SGCZ: variants seen among roughly 807,000 people sequenced by gnomAD.
The protein encoded by SGCZ is zeta-sarcoglycan.
In SGCZ, 40 loss-of-function variants were observed where a neutral mutation model predicts 41.3. The ratio of observed to expected loss-of-function variants is 0.97; its 90% CI spans 0.75 to 1.26. The LOEUF is 1.26. Among genes scored for constraint, SGCZ ranks in the 50% most tolerant of loss-of-function variants. SGCZ has a pLI of 0.00. For synonymous variants in SGCZ, 206 were observed against 137.5 expected (o/e 1.50, Z -3.49); for missense variants, 552 against 369.8 (o/e 1.49, Z -4.04).
chr8:15,057,057 G>C (rs1804734743), intron 1 of SGCZ, among the ~76,000 whole-genome samples: 1 of 152,150 alleles, frequency 6.6e-6, no homozygotes, highest in Admixed American at 6.5e-5. Flanking sequence ...GTGGGCCGCA[G>C]TGCCCTTAAT....
intron 2 of SGCZ, among the ~76,000 whole-genome samples, chr8:14,353,227 G>A (rs995331724): frequency 2.0e-5 from 3 of 152,074 alleles, no homozygotes; most frequent in Non-Finnish European, 2.9e-5. Context: ...TATGAGCAAA[G>A]CACTTGAGAC....
At chr8:14,870,231 A>G (rs368201755) in intron 1 of SGCZ, among the ~76,000 whole-genome samples, 1 of 152,122 alleles carries the variant, frequency 6.6e-6, no homozygotes, top group Non-Finnish European at 1.5e-5. Flanking sequence ...AGATAGATAG[A>G]CCAATGGAAC....
chr8:14,926,404 C>A (rs978917472), intron 1 of SGCZ, among the ~76,000 whole-genome samples: 4 of 152,008 alleles, frequency 2.6e-5, no homozygotes, highest in Admixed American at 1.3e-4. Context: ...AATTCATATT[C>A]TTTGATTTTG....
intron 1 of SGCZ, among the ~76,000 whole-genome samples, chr8:14,893,466 A>G (rs1162487707): frequency 6.6e-6 from 1 of 152,204 alleles, no homozygotes. Context: ...TACAACAGTA[A>G]TGGGAATTAA....
At chr8:14,857,852 C>A (rs1254025226) in intron 1 of SGCZ, among the ~76,000 whole-genome samples, 2 of 151,948 alleles carry the variant, frequency 1.3e-5, no homozygotes, top group African/African-American at 4.8e-5. Flanking sequence ...GGTGACAGAG[C>A]AAGACTCTGT....
At chr8:14,540,287 T>C (rs948461795) in intron 2 of SGCZ, among the ~76,000 whole-genome samples, 1 of 146,280 alleles carries the variant, frequency 6.8e-6, no homozygotes. Flanking sequence ...TAAATTATTA[T>C]CAATCTCTGT....
chr8:14,276,192 G>T (rs7832483), intron 3 of SGCZ, among the ~76,000 whole-genome samples: 1 of 151,962 alleles, frequency 6.6e-6, no homozygotes, highest in Non-Finnish European at 1.5e-5. Flanking sequence ...AAATTATTTT[G>T]TCATGCTTCT....
At chr8:14,701,534 T>A (rs1428287593) in intron 1 of SGCZ, among the ~76,000 whole-genome samples, 1 of 151,986 alleles carries the variant, frequency 6.6e-6, no homozygotes, top group African/African-American at 2.4e-5. Context: ...TCACTTTAAA[T>A]TTAATAACAT....
chr8:15,235,568 G>A (rs1018066700), intron 1 of SGCZ, among the ~76,000 whole-genome samples: 4 of 152,106 alleles, frequency 2.6e-5, no homozygotes, highest in Non-Finnish European at 5.9e-5. Context: ...TGGCTATGAG[G>A]ATCTCTGGAT....
At chr8:14,426,834 A>G (rs1799795951) in intron 2 of SGCZ, among the ~76,000 whole-genome samples, 3 of 152,196 alleles carry the variant, frequency 2.0e-5, no homozygotes, top group South Asian at 4.1e-4. Context: ...ATATATCATG[A>G]AGGGATTGAA....
chr8:14,563,103 A>T (rs1804256413), intron 1 of SGCZ, among the ~76,000 whole-genome samples: 1 of 152,224 alleles, frequency 6.6e-6, no homozygotes, highest in African/African-American at 2.4e-5. Context: ...AGTTTGCAGG[A>T]GTCTGGCTCC....
At chr8:14,720,092 C>A (rs1453003089) in intron 1 of SGCZ, among the ~76,000 whole-genome samples, 1 of 152,004 alleles carries the variant, frequency 6.6e-6, no homozygotes, top group African/African-American at 2.4e-5. Flanking sequence ...GTTTTCCCAG[C>A]AAGTTCTTTG....
chr8:15,231,538 C>T (rs1363237408), intron 1 of SGCZ, among the ~76,000 whole-genome samples: 1 of 150,632 alleles, frequency 6.6e-6, no homozygotes. Flanking sequence ...TAGATAAACC[C>T]ATGTTTCTAG....
chr8:14,777,913 A>G (rs914161160), intron 1 of SGCZ, among the ~76,000 whole-genome samples: 3 of 150,226 alleles, frequency 2.0e-5, no homozygotes, highest in East Asian at 2.0e-4. Context: ...AAAAAAAAAA[A>G]GGAATAAGAA....
chr8:14,711,051 G>T (rs1335286767), intron 1 of SGCZ, among the ~76,000 whole-genome samples: 1 of 152,194 alleles, frequency 6.6e-6, no homozygotes, highest in African/African-American at 2.4e-5. Context: ...AAGATTAAAT[G>T]TTCAAATTAA....
chr8:14,095,693 T>G (rs1214619586), intron 7 of SGCZ, among the ~76,000 whole-genome samples: 1 of 152,044 alleles, frequency 6.6e-6, no homozygotes, highest in African/African-American at 2.4e-5. Context: ...TTACTTTGGG[T>G]AGTATGGCCA....
At chr8:14,291,927 C>T (rs1339810577) in intron 3 of SGCZ, among the ~76,000 whole-genome samples, 1 of 151,840 alleles carries the variant, frequency 6.6e-6, no homozygotes, top group African/African-American at 2.4e-5. Flanking sequence ...GTCTAAAAGC[C>T]CCAACTACTT....
intron 4 of SGCZ, among the ~76,000 whole-genome samples, chr8:14,180,971 T>C (rs184667834): frequency 6.6e-6 from 1 of 152,050 alleles, no homozygotes; most frequent in East Asian, 1.9e-4. Flanking sequence ...AATATCAACA[T>C]GAGGCAGCAC....
At chr8:14,833,354 C>T (rs977057300) in intron 1 of SGCZ, among the ~76,000 whole-genome samples, 4 of 152,068 alleles carry the variant, frequency 2.6e-5, no homozygotes, top group African/African-American at 9.7e-5. Context: ...CACTGAAATT[C>T]ACATTTTATT....
Sources: allele counts gnomAD v4.1 joint callset (sites outside exome capture counted in the v4.1 genomes callset), GRCh38; gene constraint gnomAD v4.1.1; transcripts MANE v1.5; gene names NCBI Gene and HGNC (gene_info 2026-07-23, HGNC 2026-07-21).